PDCL2: variants seen among roughly 807,000 people sequenced by gnomAD.
PDCL2 encodes phosducin-like protein 2.
In PDCL2, 23 loss-of-function variants were observed where a neutral mutation model predicts 30.3. That is an observed-to-expected ratio of 0.76 (90% CI 0.55 to 1.08). The LOEUF is 1.08. Among genes scored for constraint, PDCL2 ranks in the 50% least tolerant of loss-of-function variants. PDCL2 has a pLI of 0.00. For missense variants in PDCL2, 243 were observed against 282.3 expected, an observed-to-expected ratio of 0.86 and a Z score of 1.00; for synonymous variants, 68 against 86.2, an observed-to-expected ratio of 0.79 and a Z score of 1.17.
chr4:55,576,340 A>G (rs1478559565), intron 3 of PDCL2, among the ~76,000 whole-genome samples: 1 of 152,126 alleles, frequency 6.6e-6, no homozygotes, highest in East Asian at 1.9e-4. Flanking sequence ...CGATTTGCCC[A>G]CCTCTGCCTC....
intron 4 of PDCL2, among the ~76,000 whole-genome samples, chr4:55,564,443 C>A (rs1473297669): frequency 6.6e-6 from 1 of 152,162 alleles, no homozygotes; most frequent in East Asian, 1.9e-4. Context: ...AAATATGAGG[C>A]AGACCTCTAA....
At chr4:55,562,854 T>C (rs960196774) in intron 4 of PDCL2, among the ~76,000 whole-genome samples, 1 of 151,694 alleles carries the variant, frequency 6.6e-6, no homozygotes, top group African/African-American at 2.4e-5. Flanking sequence ...GATGCTTAAC[T>C]TAGGGAAACT....
At chr4:55,591,706 C>G in intron 1 of PDCL2, among the ~76,000 whole-genome samples, 1 of 152,144 alleles carries the variant, frequency 6.6e-6, no homozygotes, top group Non-Finnish European at 1.5e-5. Flanking sequence ...GGTATTAAGA[C>G]ATATGTGACT....
At chr4:55,589,501 G>A (rs971906350) in intron 1 of PDCL2, among the ~76,000 whole-genome samples, 4 of 152,098 alleles carry the variant, frequency 2.6e-5, no homozygotes, top group Admixed American at 1.3e-4. Context: ...AATGTTTTTC[G>A]ACAGGGTTTA....
intron 5 of PDCL2, among the ~76,000 whole-genome samples, chr4:55,558,731 G>A (rs1037692050): frequency 1.3e-5 from 2 of 152,088 alleles, no homozygotes; most frequent in African/African-American, 2.4e-5. Flanking sequence ...AAGAAAGCAC[G>A]AAACATGCAA....
intron 1 of PDCL2, among the ~76,000 whole-genome samples, chr4:55,589,402 A>G (rs1732943917): frequency 6.6e-6 from 1 of 152,196 alleles, no homozygotes; most frequent in African/African-American, 2.4e-5. Context: ...GAGCACTACA[A>G]TATATAACGA....
intron 3 of PDCL2, among the ~76,000 whole-genome samples, 177 bp downstream of exon 3, chr4:55,580,644 G>GA (rs1156481724): frequency 6.6e-6 from 1 of 151,946 alleles, no homozygotes; most frequent in Non-Finnish European, 1.5e-5. Flanking sequence ...AAAATATTAA[G>GA]AAAAAATGAT....
rs753842153 is a variant in PDCL2, at chr4:55,592,181, A to C, written c.-72T>G. ...CGAGGCGCCACGGATGGAGACCCGC[A>C]GCCTTCTCCAGGCTGGAAGAGCGCC... On this transcript the variant is annotated 5_prime_UTR_variant, in exon 1 of 6. Coordinates refer to ENST00000295645, the MANE Select transcript of PDCL2 (RefSeq NM_152401.3). 1.3e-6 allele frequency: 2 copies of C among 1,582,148 alleles called. No individual in the cohort carries two copies. Among genetic ancestry groups the C allele is most frequent in the Non-Finnish European group, 1.7e-6 (2 of 1,164,330 alleles).
At chr4:55,556,951 A>C (rs1406666576) in intron 5 of PDCL2, among the ~76,000 whole-genome samples, 2 of 152,112 alleles carry the variant, frequency 1.3e-5, no homozygotes, top group African/African-American at 4.8e-5. Context: ...CTCATGCCTC[A>C]GCCTCCTGAG....
Position 55,592,012 on chromosome 4 carries a change from T to C in PDCL2, c.6+92A>G, listed in dbSNP as rs368203126. The C allele has an allele frequency of 2.3e-4, 343 of 1,521,798 alleles. 6 individuals carry two copies. In the South Asian group the frequency reaches 4.0e-3, roughly 18 times the overall value. The allele number at this position is 1,521,798 out of a possible 1,614,324, so 94.3% of individuals were successfully genotyped here. A position where few individuals can be genotyped will look rare whatever the true frequency, so the allele number is the denominator to read the frequency against. ...AACAAATGTTAGAGCCTACCTCCTG[T>C]GTCCGCCCTCCCCATTTGTGTCCCT... On this transcript the variant is annotated intron_variant, in intron 1 of 5. Coordinates refer to ENST00000295645, the MANE Select transcript of PDCL2 (RefSeq NM_152401.3).
intron 4 of PDCL2, among the ~76,000 whole-genome samples, chr4:55,567,337 G>A (rs1021156481): frequency 9.9e-5 from 15 of 152,224 alleles, no homozygotes; most frequent in African/African-American, 2.6e-4. Flanking sequence ...GTTTGAGACC[G>A]GTCTGGGCGA....
At chr4:55,584,248 T>TTGTTG (rs1732803394) in intron 1 of PDCL2, among the ~76,000 whole-genome samples, 1 of 73,020 alleles carries the variant, frequency 1.4e-5, no homozygotes, top group Admixed American at 1.5e-4. Flanking sequence ...TTTTTTGTTG[T>TTGTTG]TGTTGTTTTG....
At position 55,562,530 on chromosome 4, in the gene PDCL2, C is replaced by T. The variant is rs771112703; in HGVS notation, c.445G>A (p.Val149Met). ...TGGTAGTGTTGAATACAGCTATTCA[C>T]GATGGCTTTAACAAATTTAGTTTCT... ...FPETKFVKAI[V>M]NSCIQHYHDN... The change falls in exon 5 of 6, where the codon GTG (valine) becomes ATG (methionine). Residue 149 changes from valine (V) to methionine (M), a missense_variant. Val to Met is a conservative substitution (Grantham distance 21). Transcript: ENST00000295645. 2.1e-5 allele frequency: 34 copies of T among 1,604,276 alleles called. No homozygotes were observed. Among genetic ancestry groups the T allele is most frequent in the Middle Eastern group, 1.6e-4 (1 of 6,064 alleles).
At chr4:55,589,266 T>C (rs1367354611) in intron 1 of PDCL2, among the ~76,000 whole-genome samples, 1 of 152,230 alleles carries the variant, frequency 6.6e-6, no homozygotes, top group Non-Finnish European at 1.5e-5. Context: ...CCTTGTGTGC[T>C]TGGTTACCTT....
At chr4:55,562,713 T>G in intron 4 of PDCL2, 101 bp from the exon 5 acceptor site, 2 of 745,106 alleles carry the variant, frequency 2.7e-6, no homozygotes, top group Non-Finnish European at 4.1e-6. Flanking sequence ...ATATCTTAGA[T>G]TAATATAAAA....
chr4:55,562,192 T>G (rs1337040332), intron 5 of PDCL2, among the ~76,000 whole-genome samples: 3 of 152,174 alleles, frequency 2.0e-5, no homozygotes, highest in African/African-American at 7.2e-5. Context: ...AGATTCTAAA[T>G]TTTTAATTTA....
chr4:55,578,426 C>T (rs555210842), intron 3 of PDCL2, among the ~76,000 whole-genome samples: 14 of 152,308 alleles, frequency 9.2e-5, no homozygotes, highest in African/African-American at 3.4e-4. Flanking sequence ...CTGATACTGC[C>T]ATTTACCAGC....
chr4:55,562,984 C>A (rs1288758919), intron 4 of PDCL2, among the ~76,000 whole-genome samples: 1 of 151,748 alleles, frequency 6.6e-6, no homozygotes, highest in Non-Finnish European at 1.5e-5. Context: ...AGGATCCCAA[C>A]CCTTGCTGCC....
chr4:55,576,497 G>C, intron 3 of PDCL2, among the ~76,000 whole-genome samples: 1 of 152,164 alleles, frequency 6.6e-6, no homozygotes, highest in East Asian at 1.9e-4. Context: ...ATATAACAAT[G>C]TAGTCTGTGA....
Sources: allele counts gnomAD v4.1 joint callset (sites outside exome capture counted in the v4.1 genomes callset), GRCh38; gene constraint gnomAD v4.1.1; transcripts MANE v1.5; gene names NCBI Gene and HGNC (gene_info 2026-07-23, HGNC 2026-07-21).